CDH12: variants seen among roughly 807,000 people sequenced by gnomAD.
CDH12 encodes the protein cadherin-12.
A neutral mutation model predicts 74.1 loss-of-function variants in CDH12; 41 were observed. That is an observed-to-expected ratio of 0.55 (90% CI 0.43 to 0.72). The LOEUF (loss-of-function observed/expected upper bound fraction) is 0.72. CDH12 is among the 30% of genes least tolerant of loss of function. The probability of loss-of-function intolerance (pLI) is 0.00; values close to 1 mark genes in which losing one functional copy is unlikely to be tolerated. For missense variants in CDH12, 945 were observed against 977.2 expected (o/e 0.97, Z 0.44); for synonymous variants, 399 against 355.0 (o/e 1.12, Z -1.39).
intron 2 of CDH12, among the ~76,000 whole-genome samples, chr5:22,412,212 A>T (rs1229050836): frequency 6.6e-6 from 1 of 151,972 alleles, no homozygotes; most frequent in African/African-American, 2.4e-5. Context: ...CAGTAGAGGT[A>T]AAAACATATT....
intron 1 of CDH12, among the ~76,000 whole-genome samples, chr5:22,549,907 A>T (rs947921192): frequency 3.3e-5 from 5 of 152,170 alleles, no homozygotes; most frequent in Non-Finnish European, 7.4e-5. Flanking sequence ...TGACAGCTCT[A>T]ACTGTATTTG....
intron 1 of CDH12, among the ~76,000 whole-genome samples, chr5:22,716,552 TATC>T (rs1743587593): frequency 2.6e-5 from 4 of 152,020 alleles, no homozygotes; most frequent in Admixed American, 2.6e-4. Flanking sequence ...TTATTATACT[TATC>T]ATTATTTTAG....
chr5:22,341,145 C>T (rs2150454820), intron 3 of CDH12, among the ~76,000 whole-genome samples: 1 of 152,246 alleles, frequency 6.6e-6, no homozygotes, highest in Non-Finnish European at 1.5e-5. Context: ...TCTCAATTAT[C>T]AGGAATCCTG....
At chr5:22,761,194 A>T (rs766860289) in intron 1 of CDH12, among the ~76,000 whole-genome samples, 1 of 152,166 alleles carries the variant, frequency 6.6e-6, no homozygotes, top group Non-Finnish European at 1.5e-5. Context: ...CAGTGGACAA[A>T]CCTGAGCATA....
intron 3 of CDH12, among the ~76,000 whole-genome samples, chr5:22,324,308 T>C (rs1278210955): frequency 2.0e-5 from 3 of 152,082 alleles, no homozygotes; most frequent in East Asian, 1.9e-4. Flanking sequence ...AATCAGCACA[T>C]ATATTTATGT....
intron 1 of CDH12, among the ~76,000 whole-genome samples, chr5:22,817,796 A>G (rs1348952289): frequency 6.6e-6 from 1 of 152,184 alleles, no homozygotes; most frequent in African/African-American, 2.4e-5. Context: ...TCCCCAATGC[A>G]TTCTGTAGGG....
At chr5:21,970,465 T>G (rs960129414) in intron 6 of CDH12, among the ~76,000 whole-genome samples, 23 of 152,134 alleles carry the variant, frequency 1.5e-4, no homozygotes, top group Non-Finnish European at 3.1e-4. Flanking sequence ...GTTTCTAAGT[T>G]ATAATAGTTC....
intron 1 of CDH12, among the ~76,000 whole-genome samples, chr5:22,747,886 T>A (rs1345721582): frequency 6.6e-6 from 1 of 152,204 alleles, no homozygotes; most frequent in Non-Finnish European, 1.5e-5. Flanking sequence ...AGGGTGTGCT[T>A]GCACTTTTCA....
At chr5:22,589,514 A>T (rs1043995448) in intron 1 of CDH12, among the ~76,000 whole-genome samples, 4 of 152,170 alleles carry the variant, frequency 2.6e-5, no homozygotes, top group Non-Finnish European at 4.4e-5. Flanking sequence ...ATGTCATTTC[A>T]TGAAACTTGT....
At position 22,715,661 on chromosome 5, in the gene CDH12, C is replaced by T. The variant is rs1048134171; in HGVS notation, c.-523+137397G>A. 5.9e-5 allele frequency among the ~76,000 whole-genome samples: 9 copies of T among 151,568 alleles called. No individual in the cohort carries two copies. In the East Asian group the frequency reaches 1.4e-3, roughly 23 times the overall value. On this transcript the variant is annotated intron_variant, in intron 1 of 14. Coordinates refer to ENST00000382254, the MANE Select transcript of CDH12 (RefSeq NM_004061.5). Reference sequence around the variant, plus strand: ...ATTAAAAATACAAAAATTAGCCAGGCGTGGTGTCAGGAGCCAGTAATCCCA... The same window carrying T: ...ATTAAAAATACAAAAATTAGCCAGGTGTGGTGTCAGGAGCCAGTAATCCCA...
chr5:21,905,745 AC>A (rs1753612412), intron 6 of CDH12, among the ~76,000 whole-genome samples: 3 of 64,104 alleles, frequency 4.7e-5, no homozygotes, highest in Admixed American at 3.0e-4. Context: ...CTCATCAATT[AC>A]TATGTTTAAA....
intron 9 of CDH12, 143 bp downstream of exon 9, chr5:21,816,802 G>T: frequency 1.9e-6 from 1 of 521,030 alleles, no homozygotes. Context: ...CGGAGTATCA[G>T]TACCCCAACT....
intron 1 of CDH12, among the ~76,000 whole-genome samples, chr5:22,799,403 C>G (rs1748396461): frequency 1.3e-5 from 2 of 152,038 alleles, no homozygotes; most frequent in African/African-American, 4.8e-5. Flanking sequence ...TAAATAAATT[C>G]TACATAATTT....
At chr5:21,877,138 G>A (rs1051333754) in intron 6 of CDH12, among the ~76,000 whole-genome samples, 1 of 152,090 alleles carries the variant, frequency 6.6e-6, no homozygotes, top group Admixed American at 6.5e-5. Flanking sequence ...ATGAGGAGAA[G>A]GTTGCAGTGA....
At chr5:21,961,171 T>A (rs1456896700) in intron 6 of CDH12, among the ~76,000 whole-genome samples, 1 of 152,214 alleles carries the variant, frequency 6.6e-6, no homozygotes, top group Non-Finnish European at 1.5e-5. Context: ...TCTTTCTATT[T>A]TTCTGTTTAG....
chr5:21,899,323 T>C (rs6862581), intron 6 of CDH12, among the ~76,000 whole-genome samples: 110,394 of 152,088 alleles, frequency 0.73, 42,909 homozygotes, highest in Non-Finnish European at 0.86. Context: ...CAGTCTGATT[T>C]ACCTTGCATT....
At chr5:22,236,200 AT>A (rs1752553793) in intron 3 of CDH12, among the ~76,000 whole-genome samples, 1 of 152,246 alleles carries the variant, frequency 6.6e-6, no homozygotes, top group Admixed American at 6.5e-5. Context: ...AACAACGTAC[AT>A]TTAGGCTATA....
chr5:22,500,233 G>T (rs1747278365), intron 2 of CDH12, among the ~76,000 whole-genome samples: 1 of 152,060 alleles, frequency 6.6e-6, no homozygotes, highest in Non-Finnish European at 1.5e-5. Context: ...AAAGACCTTT[G>T]ATTAGGATAA....
chr5:22,547,353 C>T (rs549828547), intron 1 of CDH12, among the ~76,000 whole-genome samples: 7 of 152,270 alleles, frequency 4.6e-5, no homozygotes, highest in African/African-American at 1.7e-4. Flanking sequence ...AAGCCAGTAA[C>T]ACGCCTTCTC....
Sources: allele counts gnomAD v4.1 joint callset (sites outside exome capture counted in the v4.1 genomes callset), GRCh38; gene constraint gnomAD v4.1.1; transcripts MANE v1.5; gene names NCBI Gene and HGNC (gene_info 2026-07-23, HGNC 2026-07-21).